Variants in CTNNBL1 observed in about 807,000 individuals in gnomAD.
CTNNBL1 encodes the protein catenin beta like 1.
CTNNBL1 carries 31 observed loss-of-function variants against 72.7 expected under a neutral mutation model. The observed-to-expected ratio is 0.43, with a 90% CI of 0.32 to 0.58. The LOEUF is 0.58. Ranked by LOEUF, CTNNBL1 falls within the 20% of genes least tolerant of loss-of-function variation. CTNNBL1 has a pLI of 0.08. For synonymous variants in CTNNBL1, 240 were observed against 267.3 expected (o/e 0.90, Z 1.00); for missense variants, 534 against 725.1 (o/e 0.74, Z 3.03).
chr20:37,859,970 G>C lies in CTNNBL1; in HGVS notation c.1464G>C (p.Ala488=), dbSNP rs765561343. ...EEEFYLRRLD[A]GLFVLQHICY... is the part of the protein sequence containing the mutation. ...AGTTCTACCTCCGGCGCCTGGATGC[G>C]GGGCTCTTTGTTCTCCAGCACATCT... Residue 488 remains alanine, a synonymous_variant, in exon 14 of 16, where the codon GCG becomes GCC. Transcript: ENST00000361383. The C allele has an allele frequency of 3.7e-6, 6 of 1,614,130 alleles. No homozygotes were observed. Among genetic ancestry groups the C allele is most frequent in the Non-Finnish European group, 5.1e-6 (6 of 1,180,036 alleles).
At chr20:37,770,902 G>C (rs1055712398) in intron 7 of CTNNBL1, among the ~76,000 whole-genome samples, 17 of 152,244 alleles carry the variant, frequency 1.1e-4, no homozygotes, top group Admixed American at 6.5e-4. Flanking sequence ...GGTGAGGCCA[G>C]CAAGAGGGCA....
intron 7 of CTNNBL1, among the ~76,000 whole-genome samples, chr20:37,773,473 T>A (rs981718724): frequency 6.6e-6 from 1 of 152,186 alleles, no homozygotes; most frequent in African/African-American, 2.4e-5. Context: ...CTGAAAGATT[T>A]AAGAGAGCCA....
At chr20:37,846,349 G>T (rs1354749319) in intron 13 of CTNNBL1, among the ~76,000 whole-genome samples, 1 of 152,124 alleles carries the variant, frequency 6.6e-6, no homozygotes, top group Non-Finnish European at 1.5e-5. Context: ...GGGTGTGAGA[G>T]GAAGAGCGTG....
At chr20:37,792,668 T>TG (rs990000643) in intron 10 of CTNNBL1, among the ~76,000 whole-genome samples, 1 of 80,568 alleles carries the variant, frequency 1.2e-5, no homozygotes, top group Non-Finnish European at 2.7e-5. Context: ...ATTGCAAAAC[T>TG]GGAAAAAAAA....
At chr20:37,820,022 G>T (rs1165680495) in intron 11 of CTNNBL1, among the ~76,000 whole-genome samples, 1 of 151,734 alleles carries the variant, frequency 6.6e-6, no homozygotes, top group Non-Finnish European at 1.5e-5. Context: ...CTATAAGCAC[G>T]CACCATCACA....
At chr20:37,774,779 T>A (rs1194362655) in intron 7 of CTNNBL1, among the ~76,000 whole-genome samples, 1 of 152,224 alleles carries the variant, frequency 6.6e-6, no homozygotes, top group African/African-American at 2.4e-5. Flanking sequence ...CAGATTCTAA[T>A]GCAGATATTT....
intron 7 of CTNNBL1, among the ~76,000 whole-genome samples, chr20:37,772,546 C>T (rs1398515791): frequency 6.6e-6 from 1 of 152,140 alleles, no homozygotes; most frequent in African/African-American, 2.4e-5. Context: ...GATGGGGTTT[C>T]ACCGTATTAG....
Position 37,861,454 on chromosome 20 carries a change from C to T in CTNNBL1, c.1603+1110C>T, listed in dbSNP as rs1026201529. 4.6e-5 allele frequency among the ~76,000 whole-genome samples: 7 copies of T among 152,196 alleles called. No homozygotes were observed. In the East Asian group the frequency reaches 7.7e-4, roughly 17 times the overall value. ...CCCATGTGGGAATTTCCAGTACTGA[C>T]GATGCCGGAGTTCAGGGAGTGTCCA... On this transcript the variant is annotated intron_variant, in intron 15 of 15. Coordinates refer to ENST00000361383, the MANE Select transcript of CTNNBL1 (RefSeq NM_030877.5).
chr20:37,848,553 G>A (rs1039229773), intron 13 of CTNNBL1, among the ~76,000 whole-genome samples: 1 of 152,096 alleles, frequency 6.6e-6, no homozygotes, highest in African/African-American at 2.4e-5. Flanking sequence ...AGGGGGCCTG[G>A]GGGCAGAGGA....
At chr20:37,812,270 C>T (rs906414947) in intron 11 of CTNNBL1, among the ~76,000 whole-genome samples, 1 of 152,138 alleles carries the variant, frequency 6.6e-6, no homozygotes, top group Admixed American at 6.5e-5. Flanking sequence ...ATAGTTATTG[C>T]ACATTTGCCT....
In CTNNBL1 at chr20:37,850,094, T is replaced by G. The variant is rs562921421; in HGVS notation, c.1392+7675T>G. Among the ~76,000 whole-genome samples the G allele has an allele frequency of 1.4e-4, 21 of 152,330 alleles. No homozygotes were observed. The South Asian group carries it at 1.7e-3, about 12-fold the overall frequency. On this transcript the variant is annotated intron_variant, in intron 13 of 15. Coordinates refer to ENST00000361383, the MANE Select transcript of CTNNBL1 (RefSeq NM_030877.5). Reference sequence around the variant, plus strand: ...TTACTTACTTTCTCCTTTTCTCCAGTAGGGTTGTCGTTTTCAGCCTTGTAT... The same window carrying G: ...TTACTTACTTTCTCCTTTTCTCCAGGAGGGTTGTCGTTTTCAGCCTTGTAT...
At chr20:37,796,092 G>C (rs1600493123) in intron 10 of CTNNBL1, among the ~76,000 whole-genome samples, 5 of 152,082 alleles carry the variant, frequency 3.3e-5, no homozygotes, top group Admixed American at 6.5e-5. Flanking sequence ...TACTCCGCCA[G>C]GTGCACTGTG....
chr20:37,712,202 C>T (rs915348659), intron 1 of CTNNBL1, among the ~76,000 whole-genome samples: 1 of 152,204 alleles, frequency 6.6e-6, no homozygotes, highest in Admixed American at 6.5e-5. Flanking sequence ...AGAAGCAGCG[C>T]TCTCCTTGTG....
At chr20:37,781,166 C>T (rs2073622236) in intron 10 of CTNNBL1, among the ~76,000 whole-genome samples, 1 of 152,136 alleles carries the variant, frequency 6.6e-6, no homozygotes, top group African/African-American at 2.4e-5. Flanking sequence ...ATCTCCCTTA[C>T]CCTTCTAATT....
At chr20:37,713,852 C>T (rs2072961672) in intron 1 of CTNNBL1, among the ~76,000 whole-genome samples, 6 of 152,140 alleles carry the variant, frequency 3.9e-5, no homozygotes, top group Admixed American at 3.3e-4. Context: ...GAGGACTACT[C>T]GGTATCAAAG....
In CTNNBL1 at chr20:37,760,061, C is replaced by T. The variant is rs77483799; in HGVS notation, c.564+2405C>T. On this transcript the variant is annotated intron_variant, in intron 5 of 15. Transcript: ENST00000361383. ...GGAAAGAACACTGTCCTGGCATTCT[C>T]AGGGATCTTCGGGGTTTTAAAATTT... is the stretch of plus-strand genomic sequence containing the variant. Among the ~76,000 whole-genome samples the T allele has an allele frequency of 4.1e-3, 630 of 152,306 alleles. 3 individuals are homozygous for T. Among genetic ancestry groups the T allele is most frequent in the African/African-American group, 0.015 (605 of 41,564 alleles).
chr20:37,729,930 A>G (rs1235164374), intron 1 of CTNNBL1, among the ~76,000 whole-genome samples: 2 of 152,126 alleles, frequency 1.3e-5, no homozygotes, highest in African/African-American at 4.8e-5. Flanking sequence ...TTTTGTCCTT[A>G]TGGAAAATAA....
At chr20:37,827,790 G>C (rs2072173003) in intron 11 of CTNNBL1, among the ~76,000 whole-genome samples, 1 of 152,152 alleles carries the variant, frequency 6.6e-6, no homozygotes, top group South Asian at 2.1e-4. Flanking sequence ...ACGTAGACCT[G>C]GTCATGCAGC....
chr20:37,772,123 C>T (rs1198657576), intron 7 of CTNNBL1, among the ~76,000 whole-genome samples: 1 of 152,184 alleles, frequency 6.6e-6, no homozygotes, highest in Non-Finnish European at 1.5e-5. Flanking sequence ...CTTGAATATT[C>T]TTATGTGTGC....
Sources: allele counts gnomAD v4.1 joint callset (sites outside exome capture counted in the v4.1 genomes callset), GRCh38; gene constraint gnomAD v4.1.1; transcripts MANE v1.5; gene names NCBI Gene and HGNC (gene_info 2026-07-23, HGNC 2026-07-21).